The following BAIAP2 variants were observed in gnomAD, a reference collection of about 807,000 sequenced individuals.
BAIAP2 encodes the protein BAR/IMD domain containing adaptor protein 2, also known as BAR/IMD domain-containing adapter protein 2.
A neutral mutation model predicts 63.0 loss-of-function variants in BAIAP2; 18 were observed. The ratio of observed to expected loss-of-function variants is 0.29; its 90% confidence interval spans 0.20 to 0.42. The LOEUF is 0.42. BAIAP2 is among the 10% of genes least tolerant of loss of function. The pLI, the probability that BAIAP2 is intolerant of heterozygous loss-of-function variation, is 1.00. For missense variants in BAIAP2, 610 were observed against 734.3 expected (o/e 0.83, Z 1.96); for synonymous variants, 386 against 307.6 (o/e 1.25, Z -2.67).
At position 81,077,755 on chromosome 17, in the gene BAIAP2, TG is replaced by T. The variant is rs539485795; in HGVS notation, c.218-7076del. Among the ~76,000 whole-genome samples the T allele has an allele frequency of 2.6e-4, 40 of 152,248 alleles. 2 individuals are homozygous for T. The South Asian group carries it at 7.9e-3, about 30-fold the overall frequency. On this transcript the variant is annotated intron_variant, in intron 3 of 13. Coordinates refer to ENST00000428708, the MANE Select transcript of BAIAP2 (RefSeq NM_001144888.2). ...GCGAGCCAGACACCGTGGGTGCGGG[TG>T]CAGGTGTGGGTACCGTTTTGGGTGG... is the stretch of plus-strand genomic sequence containing the variant.
At position 81,116,035 on chromosome 17, in the gene BAIAP2, A is replaced by T; in HGVS notation, c.*196A>T. On this transcript the variant is annotated 3_prime_UTR_variant, in exon 14 of 14. Coordinates refer to ENST00000428708, the MANE Select transcript of BAIAP2 (RefSeq NM_001144888.2). ...GGGCAGAGTGGGGCGCAGGCCCCTG[A>T]AGGGCGAGACCCAGTGGCTGGGCTG... 1 of 1,458,870 alleles carries T rather than the reference A, an allele frequency of 6.9e-7. No homozygotes were observed. The highest frequency in any genetic ancestry group is 1.4e-5 in the African/African-American group (1 of 70,874). 90.4% of individuals were successfully genotyped at this position (1,458,870 alleles called of 1,614,324 possible). A position where few individuals can be genotyped will look rare whatever the true frequency, so the allele number is the denominator to read the frequency against.
chr17:81,081,627 C>G (rs1026409387), intron 3 of BAIAP2, among the ~76,000 whole-genome samples: 1 of 152,336 alleles, frequency 6.6e-6, no homozygotes, highest in Admixed American at 6.5e-5. Flanking sequence ...TGTCCTTGAT[C>G]CCTTCCCTGC....
At chr17:81,097,978 GGGGT>G (rs1480017308) in intron 6 of BAIAP2, 1 of 572,774 alleles carries the variant, frequency 1.7e-6, no homozygotes, top group African/African-American at 1.9e-5. Flanking sequence ...CTGTCGGGCT[GGGGT>G]TCTGGAATCG....
At chr17:81,052,073 C>T (rs964741089) in intron 1 of BAIAP2, among the ~76,000 whole-genome samples, 3 of 152,202 alleles carry the variant, frequency 2.0e-5, no homozygotes, top group African/African-American at 7.2e-5. Context: ...AGGGGCTATC[C>T]CATTAGCACA....
intron 1 of BAIAP2, among the ~76,000 whole-genome samples, chr17:81,048,332 G>T (rs2048132101): frequency 1.4e-5 from 2 of 138,192 alleles, no homozygotes; most frequent in Admixed American, 8.0e-5. Context: ...ACTCCAGCCT[G>T]GGCGACAGAG....
chr17:81,095,389 G>A (rs78032265), intron 6 of BAIAP2, among the ~76,000 whole-genome samples: 34,047 of 152,078 alleles, frequency 0.22, 4,610 homozygotes, highest in Admixed American at 0.36. Flanking sequence ...AGTGCTGGCC[G>A]CCACCTCCTC....
chr17:81,110,200 G>T (rs2059742666), intron 13 of BAIAP2: 1 of 985,612 alleles, frequency 1.0e-6, no homozygotes, highest in South Asian at 4.7e-5. Context: ...CCTCCCCGTG[G>T]CCTGGGACGT....
Position 81,106,833 on chromosome 17 carries a change from C to T in BAIAP2, c.1426C>T (p.Arg476Trp), listed in dbSNP as rs756312025. Reference sequence around the variant, plus strand: ...ACCCCCCGATTACGGCGCCGCCTCCCGGGCCTTCCCCGCCCAGACGGCCAG... The same window carrying T: ...ACCCCCCGATTACGGCGCCGCCTCCTGGGCCTTCCCCGCCCAGACGGCCAG... The part of the protein sequence containing the change: ...IPPPDYGAAS[R>W]AFPAQTASGF... Residue 476 changes from arginine to tryptophan, a missense_variant, in exon 12 of 14, where the codon CGG becomes TGG. Around this residue, in one of 5 missense-constraint regions of BAIAP2, gnomAD observed 114 missense variants for 98.2 expected, o/e 1.16. Transcript: ENST00000428708. 1.2e-5 allele frequency: 19 copies of T among 1,610,988 alleles called. No individual in the cohort carries two copies. Among genetic ancestry groups the T allele is most frequent in the Admixed American group, 5.0e-5 (3 of 59,852 alleles).
In BAIAP2 at chr17:81,103,713, C is replaced by T. The variant is rs1262958859; in HGVS notation, c.854C>T (p.Pro285Leu). 9 of 1,462,530 alleles carry T rather than the reference C, an allele frequency of 6.2e-6. No individual in the cohort carries two copies. Among genetic ancestry groups the T allele is most frequent in the Admixed American group, 3.7e-5 (2 of 53,406 alleles). The allele number at this position is 1,462,530 out of a possible 1,614,324, so 90.6% of individuals were successfully genotyped here. A position where few individuals can be genotyped will look rare whatever the true frequency, so the allele number is the denominator to read the frequency against. Residue 285 changes from proline to leucine, a missense_variant, in exon 8 of 14, where the codon CCG becomes CTG. By Grantham distance (98) the Pro-to-Leu change is moderately conservative. This residue lies in a region of BAIAP2 where 389 missense variants were observed against 455.6 expected (regional missense o/e 0.85). Coordinates refer to ENST00000428708, the MANE Select transcript of BAIAP2 (RefSeq NM_001144888.2). The stretch of plus-strand genomic sequence containing the variant: ...CTGCCGGTGCCCCCCGAGCTGGCAC[C>T]GTTCGTGGGGGTGAGTCTGTGGCCT... ...KPLPVPPELA[P>L]FVGRMSAQES...
intron 13 of BAIAP2, chr17:81,109,462 T>A (rs2059632488): frequency 2.0e-6 from 2 of 985,204 alleles, no homozygotes; most frequent in Non-Finnish European, 1.2e-6. Context: ...CTGCATGGAC[T>A]CCGGTGTGCG....
chr17:81,040,219 C>G (rs997618509), intron 1 of BAIAP2, among the ~76,000 whole-genome samples: 1 of 152,242 alleles, frequency 6.6e-6, no homozygotes, highest in Admixed American at 6.5e-5. Flanking sequence ...TGTCTGGTGA[C>G]TTTCTTTGAG....
At chr17:81,107,101 C>T (rs547401922) in intron 12 of BAIAP2, 194 bp downstream of exon 12, 69 of 650,946 alleles carry the variant, frequency 1.1e-4, no homozygotes, top group African/African-American at 1.0e-3. Context: ...CCCGCCTCGC[C>T]GCAGCAGGCT....
chr17:81,083,954 TC>T (rs2055096972), intron 3 of BAIAP2: 1 of 152,150 alleles, frequency 6.6e-6, no homozygotes, highest in Non-Finnish European at 1.5e-5. Context: ...AGTGGGGGAC[TC>T]AGACCCACAT....
chr17:81,113,054 CAAAAT>C (rs2060096880), intron 13 of BAIAP2, among the ~76,000 whole-genome samples: 1 of 152,138 alleles, frequency 6.6e-6, no homozygotes, highest in Non-Finnish European at 1.5e-5. Flanking sequence ...GACCCTGTCT[CAAAAT>C]AATAATACAA....
In BAIAP2 at chr17:81,103,575, G is replaced by A. The variant is rs375070592; in HGVS notation, c.716G>A (p.Arg239His). 2.1e-5 allele frequency: 33 copies of A among 1,603,070 alleles called. No individual in the cohort carries two copies. Among genetic ancestry groups the A allele is most frequent in the Admixed American group, 5.0e-5 (3 of 59,834 alleles). Residue 239 changes from arginine to histidine, a missense_variant, in exon 8 of 14, where the codon CGC (arginine) becomes CAC (histidine). By Grantham distance (29) the Arg-to-His change is conservative. Around this residue, in one of 5 missense-constraint regions of BAIAP2, gnomAD observed 389 missense variants for 455.6 expected, o/e 0.85. Coordinates refer to ENST00000428708, the MANE Select transcript of BAIAP2 (RefSeq NM_001144888.2). ...GCCGACCCCAGCAAGATCCCGGAGCGCGCGGTGCAGCTCATGCAGCAGGTG... is the reference window on the plus strand; with the variant it reads ...GCCGACCCCAGCAAGATCCCGGAGCACGCGGTGCAGCTCATGCAGCAGGTG... The part of the protein sequence containing the change: ...ACADPSKIPE[R>H]AVQLMQQVAS...
intron 3 of BAIAP2, among the ~76,000 whole-genome samples, chr17:81,075,936 A>ATTTT (rs56219227): frequency 6.9e-6 from 1 of 145,392 alleles, no homozygotes. Context: ...TCTGCTGGGA[A>ATTTT]TTTTTTTTTT....
At chr17:81,106,997 CG>C (rs2059261864) in intron 12 of BAIAP2, 90 bp downstream of exon 12, 1 of 1,406,022 alleles carries the variant, frequency 7.1e-7, no homozygotes, top group South Asian at 1.5e-5. Flanking sequence ...CGCTGAGGGG[CG>C]GGGCGCCTGG....
intron 13 of BAIAP2, among the ~76,000 whole-genome samples, chr17:81,111,450 G>T (rs1002238067): frequency 2.6e-5 from 4 of 152,228 alleles, no homozygotes; most frequent in Non-Finnish European, 5.9e-5. Context: ...GGAGCCAGGT[G>T]TTGGGCCCAC....
At chr17:81,092,535 CTGT>C (rs1411796924) in intron 6 of BAIAP2, among the ~76,000 whole-genome samples, 3 of 151,954 alleles carry the variant, frequency 2.0e-5, no homozygotes, top group Admixed American at 2.0e-4. Context: ...CGGGGGCCTC[CTGT>C]TGTTCAAGAA....
Sources: gnomAD v4.1 joint callset for allele counts (sites outside exome capture counted in the v4.1 genomes callset) on GRCh38, gnomAD v4.1.1 for gene constraint, gnomAD v4.1.1 regional missense constraint, MANE v1.5 for transcripts, NCBI Gene and HGNC (gene_info 2026-07-23, HGNC 2026-07-21) for gene names.